Variants in LAMB1 observed in about 807,000 individuals in gnomAD.
LAMB1 encodes the protein laminin subunit beta 1, also known as laminin subunit beta-1.
A neutral mutation model predicts 222.3 loss-of-function variants in LAMB1; 121 were observed. That is an observed-to-expected ratio of 0.54 (90% CI 0.47 to 0.63). The LOEUF is 0.63. Ranked by LOEUF, LAMB1 falls within the 30% of genes least tolerant of loss-of-function variation. LAMB1 has a pLI of 0.00. For synonymous variants in LAMB1, 794 were observed against 807.2 expected (o/e 0.98, Z 0.28); for missense variants, 2,172 against 2,240.8 (o/e 0.97, Z 0.62).
intron 7 of LAMB1, among the ~76,000 whole-genome samples, chr7:107,985,787 G>A (rs755122672): frequency 1.2e-4 from 18 of 151,352 alleles, no homozygotes; most frequent in Admixed American, 2.6e-4. Context: ...GAGAAACCCC[G>A]TCTCTACTAA....
At chr7:107,985,007 C>T (rs1230735112) in intron 7 of LAMB1, among the ~76,000 whole-genome samples, 1 of 152,118 alleles carries the variant, frequency 6.6e-6, no homozygotes, top group African/African-American at 2.4e-5. Flanking sequence ...GAGAAAGAAA[C>T]TTTCACCTTA....
intron 24 of LAMB1, among the ~76,000 whole-genome samples, chr7:107,945,164 G>A (rs914950560): frequency 6.6e-6 from 1 of 152,148 alleles, no homozygotes; most frequent in Admixed American, 6.5e-5. Flanking sequence ...CTGTTCTGTG[G>A]CCAGTAGGCT....
rs774251456 is a variant in LAMB1, at chr7:107,929,557, G to A, written c.4600C>T (p.Pro1534Ser). ...TTCTGTAACTGCTGTGGGGTGCTAG[G>A]CATCTCCATTTTCAATACTTCATTA... ...VANEVLKMEM[P>S]STPQQLQNLT... The change falls in exon 30 of 34, where the codon CCT becomes TCT. Residue 1534 changes from proline (P) to serine (S), a missense_variant. Transcript: ENST00000222399. 1.2e-6 allele frequency: 2 copies of A among 1,613,930 alleles called. No homozygotes were observed. The highest frequency in any genetic ancestry group is 1.7e-5 in the Admixed American group (1 of 60,000).
rs780220558 is a variant in LAMB1, at chr7:107,986,099, CAA to C, written c.613-16_613-15del. 4.5e-5 allele frequency: 72 copies of C among 1,612,048 alleles called. No homozygotes were observed. In the African/African-American group the frequency reaches 8.7e-4, roughly 19 times the overall value. On this transcript the variant is annotated splice_polypyrimidine_tract_variant and intron_variant, in intron 6 of 33. Coordinates refer to ENST00000222399, the MANE Select transcript of LAMB1 (RefSeq NM_002291.3). ...ACGAAATATCACCTAAAAATGGAAA[CAA>C]GAGTAATTGGTACTTCTGCAATAAT...
At chr7:107,973,560 A>T (rs1489244402) in intron 12 of LAMB1, among the ~76,000 whole-genome samples, 1 of 152,216 alleles carries the variant, frequency 6.6e-6, no homozygotes, top group Non-Finnish European at 1.5e-5. Flanking sequence ...AGAGCACCAG[A>T]GATGGAAATA....
At chr7:107,956,810 A>T (rs2033387648) in intron 20 of LAMB1, among the ~76,000 whole-genome samples, 2 of 152,224 alleles carry the variant, frequency 1.3e-5, no homozygotes, top group Non-Finnish European at 2.9e-5. Flanking sequence ...AAACTCAGGC[A>T]GGGATGGGTC....
intron 7 of LAMB1, among the ~76,000 whole-genome samples, chr7:107,985,562 G>C (rs2034057733): frequency 6.6e-6 from 1 of 152,264 alleles, no homozygotes; most frequent in South Asian, 2.1e-4. Context: ...CTGGGAGGCA[G>C]AGGTTGCAGT....
chr7:107,941,736 C>G, intron 24 of LAMB1, among the ~76,000 whole-genome samples: 1 of 150,420 alleles, frequency 6.6e-6, no homozygotes, highest in African/African-American at 2.5e-5. Flanking sequence ...CTCACTGCAA[C>G]CTCTGCCTCC....
chr7:107,983,322 A>G (rs908107010), intron 7 of LAMB1, among the ~76,000 whole-genome samples: 1 of 152,118 alleles, frequency 6.6e-6, no homozygotes, highest in Non-Finnish European at 1.5e-5. Flanking sequence ...GGGAAAGATC[A>G]GCAAGAATCA....
Position 107,966,923 on chromosome 7 carries a change from T to C in LAMB1, c.1563-2236A>G, listed in dbSNP as rs75980968. 3.1e-3 allele frequency among the ~76,000 whole-genome samples: 478 copies of C among 152,314 alleles called. 2 individuals carry two copies. The highest frequency in any genetic ancestry group is 0.01 in the Middle Eastern group (3 of 294). On this transcript the variant is annotated intron_variant, in intron 13 of 33. Transcript: ENST00000222399. ...CAAGTCTGTGTCCACAGGCTTGAATTGTCATCACAGATAGGCATGGCTCTG... is the reference window on the plus strand; with the variant it reads ...CAAGTCTGTGTCCACAGGCTTGAATCGTCATCACAGATAGGCATGGCTCTG...
intron 13 of LAMB1, among the ~76,000 whole-genome samples, chr7:107,966,927 A>G (rs1157051695): frequency 6.6e-6 from 1 of 152,228 alleles, no homozygotes; most frequent in East Asian, 1.9e-4. Flanking sequence ...TTGAATTGTC[A>G]TCACAGATAG....
intron 27 of LAMB1, among the ~76,000 whole-genome samples, chr7:107,934,266 T>C (rs1274425207): frequency 6.6e-6 from 1 of 152,202 alleles, no homozygotes; most frequent in Non-Finnish European, 1.5e-5. Flanking sequence ...TTTTGTCTAT[T>C]TCAGAGAAAG....
At chr7:107,952,932 C>T (rs1293688457) in intron 22 of LAMB1, among the ~76,000 whole-genome samples, 1 of 151,258 alleles carries the variant, frequency 6.6e-6, no homozygotes, top group Non-Finnish European at 1.5e-5. Flanking sequence ...GCAGAGCATA[C>T]CATCAGTACC....
At chr7:107,973,095 G>A (rs369748565) in intron 12 of LAMB1, 24 bp from the exon 13 acceptor site, 2 of 1,588,620 alleles carry the variant, frequency 1.3e-6, no homozygotes, top group Non-Finnish European at 1.7e-6. Flanking sequence ...CGTGAAACAT[G>A]TAACGGTAGG....
In LAMB1 at chr7:107,964,642, A is replaced by G. The variant is rs2150431387; in HGVS notation, c.1608T>C (p.Ile536=). 1 of 1,614,180 alleles carries G rather than the reference A, an allele frequency of 6.2e-7. No individual in the cohort carries two copies. The highest frequency in any genetic ancestry group is 8.5e-7 in the Non-Finnish European group (1 of 1,180,024). ...SGQCSCRPHM[I]GRQCNEVEPG... is the part of the protein sequence containing the mutation. ...GTTCCACTTCGTTGCACTGACGTCC[A>G]ATCATGTGAGGCCGGCATGAGCACT... The change falls in exon 14 of 34, where the codon ATT becomes ATC. Residue 536 remains isoleucine, a synonymous_variant. Coordinates refer to ENST00000222399, the MANE Select transcript of LAMB1 (RefSeq NM_002291.3).
chr7:107,933,937 A>G (rs547693508), intron 27 of LAMB1, among the ~76,000 whole-genome samples: 1 of 152,070 alleles, frequency 6.6e-6, no homozygotes, highest in East Asian at 1.9e-4. Flanking sequence ...ATCCTTTAGC[A>G]TGCTTAGCTG....
intron 5 of LAMB1, among the ~76,000 whole-genome samples, chr7:107,991,905 CAAAAAAAAAA>C (rs71134302): frequency 4.5e-4 from 41 of 91,980 alleles, no homozygotes; most frequent in African/African-American, 1.5e-3. Context: ...GACTTCGTCT[CAAAAAAAAAA>C]AAAAAAAAAA....
chr7:107,994,112 G>T (rs918539398), intron 5 of LAMB1, among the ~76,000 whole-genome samples: 3 of 152,202 alleles, frequency 2.0e-5, no homozygotes, highest in Non-Finnish European at 2.9e-5. Flanking sequence ...ATTCAAAAGT[G>T]ATTTTTAATC....
intron 18 of LAMB1, 42 bp downstream of exon 18, chr7:107,960,403 A>G: frequency 4.7e-6 from 7 of 1,502,788 alleles, no homozygotes; most frequent in Non-Finnish European, 5.6e-6. Context: ...ATATACTCAG[A>G]GCCAGAAACA....
Sources: allele counts gnomAD v4.1 joint callset (sites outside exome capture counted in the v4.1 genomes callset), GRCh38; gene constraint gnomAD v4.1.1; transcripts MANE v1.5; gene names NCBI Gene and HGNC (gene_info 2026-07-23, HGNC 2026-07-21).